POGLUT1: variants seen among roughly 807,000 people sequenced by gnomAD.
The protein encoded by POGLUT1 is protein O-glucosyltransferase 1.
Under a neutral mutation model 61.3 loss-of-function variants are expected in POGLUT1, and 32 were observed. The observed-to-expected ratio is 0.52, with a 90% CI of 0.39 to 0.70. POGLUT1 has a LOEUF of 0.70. Among genes scored for constraint, POGLUT1 ranks in the 30% least tolerant of loss-of-function variants. POGLUT1 has a pLI of 0.00. For synonymous variants in POGLUT1, 158 were observed against 158.2 expected, an observed-to-expected ratio of 1.00 and a Z score of 0.01; for missense variants, 411 against 469.8, an observed-to-expected ratio of 0.87 and a Z score of 1.16.
At chr3:119,481,177 C>A (rs1379438408) in intron 5 of POGLUT1, among the ~76,000 whole-genome samples, 16 of 152,106 alleles carry the variant, frequency 1.1e-4, no homozygotes, top group Admixed American at 9.8e-4. Context: ...CAATTGAGAG[C>A]TAAGTAGTTT....
rs2081704518 is a variant in POGLUT1, at chr3:119,488,875, G to A, written c.739-54G>A. The A allele has an allele frequency of 4.2e-6, 4 of 945,104 alleles. No homozygotes were observed. In the Admixed American group the frequency reaches 7.0e-5, roughly 17 times the overall value. The allele number at this position is 945,104 out of a possible 1,614,324, so 58.5% of individuals were successfully genotyped here. ...TGTTTAACAATGCTTGCTGCACAGT[G>A]ATCACAATAAATGCTGTTGCTGTTA... On this transcript the variant is annotated intron_variant, in intron 7 of 10. Transcript: ENST00000295588.
At chr3:119,470,302 A>G (rs992639984) in intron 2 of POGLUT1, among the ~76,000 whole-genome samples, 2 of 152,212 alleles carry the variant, frequency 1.3e-5, no homozygotes, top group Non-Finnish European at 2.9e-5. Context: ...CAGGCTGGGC[A>G]TGGTGGTTCA....
In POGLUT1 at chr3:119,473,337, C is replaced by A. The variant is rs555930055; in HGVS notation, c.320+1885C>A. Among the ~76,000 whole-genome samples the A allele has an allele frequency of 9.4e-5, 9 of 95,878 alleles. No individual in the cohort carries two copies. In the South Asian group the frequency reaches 1.2e-3, roughly 13 times the overall value. 62.9% of individuals were successfully genotyped at this position (95,878 alleles called of 152,430 possible). ...TGTTTAATAGTTTGCTGAACAATTG[C>A]CAAATGAAATGAAATGCTTTCAAAG... On this transcript the variant is annotated intron_variant, in intron 3 of 10. Transcript: ENST00000295588.
chr3:119,479,965 C>T, intron 4 of POGLUT1, 86 bp from the exon 5 acceptor site: 1 of 1,596,396 alleles, frequency 6.3e-7, no homozygotes, highest in Non-Finnish European at 8.6e-7. Context: ...TAAACCAAGG[C>T]TGTCCAGATC....
chr3:119,477,525 C>T, intron 4 of POGLUT1, 77 bp downstream of exon 4: 2 of 1,401,612 alleles, frequency 1.4e-6, no homozygotes, highest in South Asian at 2.4e-5. Context: ...TGTCCGGTGA[C>T]ATAGTCTGAT....
intron 2 of POGLUT1, among the ~76,000 whole-genome samples, chr3:119,470,237 C>T (rs551620930): frequency 5.5e-4 from 84 of 152,280 alleles, no homozygotes; most frequent in Admixed American, 7.2e-4. Context: ...ATAAACCCAT[C>T]TATCGCTGAA....
chr3:119,477,207 C>A, intron 3 of POGLUT1, 106 bp from the exon 4 acceptor site: 2 of 1,079,218 alleles, frequency 1.9e-6, no homozygotes, highest in Admixed American at 1.9e-5. Context: ...TGATATGGAA[C>A]ACTGGAACAC....
In POGLUT1 at chr3:119,477,384, T is replaced by G. The variant is rs200892608; in HGVS notation, c.392T>G (p.Val131Gly). 1.9e-6 allele frequency: 3 copies of G among 1,614,134 alleles called. No individual in the cohort carries two copies. Among genetic ancestry groups the G allele is most frequent in the Non-Finnish European group, 1.7e-6 (2 of 1,179,948 alleles). Residue 131 changes from valine (V) to glycine (G), a missense_variant, in exon 4 of 11, where the codon GTA becomes GGA. By Grantham distance (109) the Val-to-Gly change is moderately radical. Coordinates refer to ENST00000295588, the MANE Select transcript of POGLUT1 (RefSeq NM_152305.3). The stretch of plus-strand genomic sequence containing the variant: ...CCTGACATGGAGATGGTGATCAATG[T>G]ACGAGATTATCCTCAGGTTCCTAAA... ...RLPDMEMVIN[V>G]RDYPQVPKWM...
intron 4 of POGLUT1, chr3:119,478,539 C>T (rs1005647314): frequency 2.8e-5 from 11 of 395,142 alleles, no homozygotes; most frequent in East Asian, 7.3e-5. Flanking sequence ...AAAGTATGAC[C>T]GTCGGTATAC....
At chr3:119,478,412 GA>G (rs1232370341) in intron 4 of POGLUT1, 3 of 456,674 alleles carry the variant, frequency 6.6e-6, no homozygotes, top group Non-Finnish European at 1.3e-5. Flanking sequence ...CTCATTTCTC[GA>G]AAGTGTTTGG....
At position 119,469,815 on chromosome 3, in the gene POGLUT1, T is replaced by C. The variant is rs1444908776; in HGVS notation, c.86-5T>C. ...TTTAACTCTCATTTACTTCACTTTT[T>C]AAAGGTTCAAAATGGAAAGTATTTA... On this transcript the variant is annotated splice_polypyrimidine_tract_variant and splice_region_variant and intron_variant, in intron 1 of 10. Transcript: ENST00000295588. The C allele has an allele frequency of 2.0e-6, 3 of 1,533,814 alleles. No individual in the cohort carries two copies. The highest frequency in any genetic ancestry group is 2.7e-6 in the Non-Finnish European group (3 of 1,108,042).
At chr3:119,489,184 T>G in intron 8 of POGLUT1, 197 bp downstream of exon 8, 1 of 410,002 alleles carries the variant, frequency 2.4e-6, no homozygotes, top group Non-Finnish European at 4.4e-6. Context: ...TGGAACATGG[T>G]TCCTGCTTCC....
intron 6 of POGLUT1, 46 bp downstream of exon 6, chr3:119,485,433 G>A: frequency 7.7e-7 from 1 of 1,300,942 alleles, no homozygotes; most frequent in East Asian, 2.3e-5. Flanking sequence ...TCCAAGTAAT[G>A]TAAAATGTAA....
At chr3:119,492,247 T>C in intron 10 of POGLUT1, 35 bp from the exon 11 acceptor site, 1 of 1,532,286 alleles carries the variant, frequency 6.5e-7, no homozygotes, top group Non-Finnish European at 8.9e-7. Context: ...TTAAATTCTG[T>C]GCTTTAACAT....
chr3:119,489,161 C>T, intron 8 of POGLUT1, 174 bp downstream of exon 8: 1 of 446,364 alleles, frequency 2.2e-6, no homozygotes. Flanking sequence ...TCTGTGGCGA[C>T]TGTAGAGAAG....
intron 1 of POGLUT1, 84 bp downstream of exon 1, chr3:119,469,190 C>T: frequency 9.1e-7 from 1 of 1,101,400 alleles, no homozygotes; most frequent in Non-Finnish European, 1.3e-6. Context: ...CGGCCGGCTC[C>T]CGGGAAGATG....
chr3:119,489,243 A>G (rs1201937667), intron 8 of POGLUT1: 2 of 299,308 alleles, frequency 6.7e-6, no homozygotes, highest in Non-Finnish European at 1.2e-5. Flanking sequence ...TTACCTCTCC[A>G]TATGCCCCAC....
chr3:119,469,164 G>A, intron 1 of POGLUT1, 58 bp downstream of exon 1: 1 of 1,364,434 alleles, frequency 7.3e-7, no homozygotes, highest in Non-Finnish European at 1.0e-6. Context: ...CCGGAGTCCC[G>A]AGGCGCTCCC....
At chr3:119,491,049 A>G (rs987914636) in intron 9 of POGLUT1, among the ~76,000 whole-genome samples, 2 of 151,878 alleles carry the variant, frequency 1.3e-5, no homozygotes, top group Non-Finnish European at 2.9e-5. Flanking sequence ...ATACAGCATG[A>G]GAATTGACTC....
Sources: allele counts gnomAD v4.1 joint callset (sites outside exome capture counted in the v4.1 genomes callset), GRCh38; gene constraint gnomAD v4.1.1; transcripts MANE v1.5; gene names NCBI Gene and HGNC (gene_info 2026-07-23, HGNC 2026-07-21).